Variants in AIG1 observed in about 807,000 individuals in gnomAD.
AIG1 encodes androgen induced 1, also known as androgen-induced gene 1 protein.
In AIG1, 23 loss-of-function variants were observed where a neutral mutation model predicts 31.4. The ratio of observed to expected loss-of-function variants is 0.73; its 90% CI spans 0.53 to 1.04. The LOEUF is 1.04. Among genes scored for constraint, AIG1 ranks in the 50% least tolerant of loss-of-function variants. AIG1 has a pLI of 0.00. For synonymous variants in AIG1, 100 were observed against 110.5 expected (o/e 0.90, Z 0.60); for missense variants, 274 against 295.0 (o/e 0.93, Z 0.52).
chr6:143,102,861 A>G (rs1780425354), intron 1 of AIG1, among the ~76,000 whole-genome samples: 1 of 152,166 alleles, frequency 6.6e-6, no homozygotes, highest in African/African-American at 2.4e-5. Context: ...CCAAAGGCAA[A>G]CTAAAAGAAG....
At chr6:143,252,339 T>G (rs929985493) in intron 3 of AIG1, among the ~76,000 whole-genome samples, 6 of 152,150 alleles carry the variant, frequency 3.9e-5, no homozygotes, top group African/African-American at 1.4e-4. Flanking sequence ...CAGGCTGGTC[T>G]CAAACTCCTG....
intron 3 of AIG1, among the ~76,000 whole-genome samples, chr6:143,259,346 G>A (rs1221941919): frequency 6.6e-6 from 1 of 152,140 alleles, no homozygotes; most frequent in African/African-American, 2.4e-5. Context: ...AGCATTACAT[G>A]CCATAGACCA....
At chr6:143,165,704 CG>C (rs1363707798) in intron 3 of AIG1, among the ~76,000 whole-genome samples, 3 of 152,188 alleles carry the variant, frequency 2.0e-5, no homozygotes, top group African/African-American at 7.2e-5. Flanking sequence ...TTGTTTGCCT[CG>C]TAGGGTTCTT....
At chr6:143,265,198 C>G (rs1408556505) in intron 3 of AIG1, among the ~76,000 whole-genome samples, 2 of 152,004 alleles carry the variant, frequency 1.3e-5, no homozygotes, top group Non-Finnish European at 1.5e-5. Flanking sequence ...TTGTGGATAA[C>G]GAGGAGGAAA....
chr6:143,170,598 T>TG (rs1268575779), intron 3 of AIG1, among the ~76,000 whole-genome samples: 1 of 151,440 alleles, frequency 6.6e-6, no homozygotes, highest in Non-Finnish European at 1.5e-5. Flanking sequence ...TTTTTTTTTT[T>TG]TTGTTGATCT....
rs946355295 is a variant in AIG1 at position 143,298,417 on chromosome 6, T to A, written c.515+14192T>A. 6.6e-6 allele frequency among the ~76,000 whole-genome samples: 1 copy of A among 152,234 alleles called. No individual in the cohort carries two copies. The highest frequency in any genetic ancestry group is 1.5e-5 in the Non-Finnish European group (1 of 68,038). ...GTAAAGAATGTTAGAAAATGTATTATAAAGAAATAGTTAATATGAATACAA... is the reference window on the plus strand; with the variant it reads ...GTAAAGAATGTTAGAAAATGTATTAAAAAGAAATAGTTAATATGAATACAA... On this transcript the variant is annotated intron_variant, in intron 4 of 5. Coordinates refer to ENST00000357847, the MANE Select transcript of AIG1 (RefSeq NM_016108.4). This position sits in a 1 kb window ranked among gnomAD's most constrained non-coding sequence, Gnocchi z 5.1.
At chr6:143,143,763 T>C (rs1784492691) in intron 2 of AIG1, among the ~76,000 whole-genome samples, 1 of 151,820 alleles carries the variant, frequency 6.6e-6, no homozygotes, top group East Asian at 1.9e-4. Context: ...GTGGAGTTAA[T>C]CAAATGCTTG....
intron 3 of AIG1, among the ~76,000 whole-genome samples, chr6:143,246,778 C>G (rs1794651400): frequency 6.6e-6 from 1 of 152,172 alleles, no homozygotes; most frequent in Non-Finnish European, 1.5e-5. Flanking sequence ...GTTTAGCCAA[C>G]TATGAACAAA....
At chr6:143,109,526 G>C (rs984685065) in intron 1 of AIG1, among the ~76,000 whole-genome samples, 1 of 152,116 alleles carries the variant, frequency 6.6e-6, no homozygotes, top group Non-Finnish European at 1.5e-5. Flanking sequence ...ATGCTTTGTA[G>C]TGTCAACGTT....
chr6:143,194,996 G>A (rs1790106683), intron 3 of AIG1, among the ~76,000 whole-genome samples: 1 of 152,242 alleles, frequency 6.6e-6, no homozygotes, highest in African/African-American at 2.4e-5. Flanking sequence ...ACCCATTCAT[G>A]GAGATTGGCC....
chr6:143,312,837 T>C lies in AIG1; in HGVS notation c.516-20445T>C, dbSNP rs1205523382. On this transcript the variant is annotated intron_variant, in intron 4 of 5. Coordinates refer to ENST00000357847, the MANE Select transcript of AIG1 (RefSeq NM_016108.4). ...TAACAACGGATTAATAACTAGAATA[T>C]ACAAGGAGCTCAAACAATTCTATAG... Among the ~76,000 whole-genome samples the C allele has an allele frequency of 2.6e-5, 4 of 152,026 alleles. No individual in the cohort carries two copies. In the East Asian group the frequency reaches 7.7e-4, roughly 29 times the overall value.
chr6:143,265,584 C>T (rs1796098000), intron 3 of AIG1, among the ~76,000 whole-genome samples: 1 of 152,146 alleles, frequency 6.6e-6, no homozygotes, highest in Admixed American at 6.5e-5. Context: ...CCATTAGAAA[C>T]AAACAAAATA....
intron 3 of AIG1, among the ~76,000 whole-genome samples, chr6:143,183,134 C>T (rs1237477249): frequency 6.6e-6 from 1 of 150,896 alleles, no homozygotes; most frequent in Non-Finnish European, 1.5e-5. Flanking sequence ...AGCTCTTCTA[C>T]ATATTAATTG....
At chr6:143,231,831 G>A (rs759451855) in intron 3 of AIG1, among the ~76,000 whole-genome samples, 3 of 152,120 alleles carry the variant, frequency 2.0e-5, no homozygotes, top group African/African-American at 4.8e-5. Context: ...CATGCATGTT[G>A]TAGCTACTGT....
At chr6:143,104,932 T>C (rs1187186220) in intron 1 of AIG1, among the ~76,000 whole-genome samples, 1 of 151,160 alleles carries the variant, frequency 6.6e-6, no homozygotes, top group African/African-American at 2.4e-5. Context: ...ACATTCTGAA[T>C]GTGTGCAAGA....
intron 1 of AIG1, among the ~76,000 whole-genome samples, chr6:143,127,598 G>T (rs976476075): frequency 6.6e-6 from 1 of 151,856 alleles, no homozygotes; most frequent in Non-Finnish European, 1.5e-5. Context: ...ATTAATTCTT[G>T]TGTTTTGCCT....
At chr6:143,207,538 A>ACACG (rs1329899632) in intron 3 of AIG1, among the ~76,000 whole-genome samples, 2,321 of 152,102 alleles carry the variant, frequency 0.015, 63 homozygotes, top group African/African-American at 0.052. Flanking sequence ...ACACACACAC[A>ACACG]CACACACCCC....
At chr6:143,070,740 T>C (rs1777164841) in intron 1 of AIG1, among the ~76,000 whole-genome samples, 1 of 152,210 alleles carries the variant, frequency 6.6e-6, no homozygotes, top group Non-Finnish European at 1.5e-5. Context: ...CATTAATCCA[T>C]TAATGGCAGA....
chr6:143,330,609 G>C lies in AIG1; in HGVS notation c.516-2673G>C, dbSNP rs1284139619. On this transcript the variant is annotated intron_variant, in intron 4 of 5. Coordinates refer to ENST00000357847, the MANE Select transcript of AIG1 (RefSeq NM_016108.4). This position sits in a 1 kb window ranked among gnomAD's most constrained non-coding sequence, Gnocchi z 4.4. Reference sequence around the variant, plus strand: ...ATCTAGGGACTCTGGCTTGTACTCTGAGTGGGAGAGGAAGCAAGTTTTGAG... The same window carrying C: ...ATCTAGGGACTCTGGCTTGTACTCTCAGTGGGAGAGGAAGCAAGTTTTGAG... 5.3e-5 allele frequency among the ~76,000 whole-genome samples: 8 copies of C among 152,170 alleles called. No homozygotes were observed. Among genetic ancestry groups the C allele is most frequent in the Non-Finnish European group, 8.8e-5 (6 of 68,016 alleles).
Sources: gnomAD v4.1 joint callset for allele counts (sites outside exome capture counted in the v4.1 genomes callset) on GRCh38, gnomAD v4.1.1 for gene constraint, Gnocchi (gnomAD v3.1) non-coding constraint, MANE v1.5 for transcripts, NCBI Gene and HGNC (gene_info 2026-07-23, HGNC 2026-07-21) for gene names.